SEC23IP: variants seen among roughly 807,000 people sequenced by gnomAD.
SEC23IP encodes SEC23 interacting protein.
SEC23IP carries 70 observed loss-of-function variants against 113.4 expected under a neutral mutation model. The ratio of observed to expected loss-of-function variants is 0.62; its 90% CI spans 0.51 to 0.75. The LOEUF (loss-of-function observed/expected upper bound fraction) is 0.75, where lower values mean the gene tolerates loss of function less well. Among genes scored for constraint, SEC23IP ranks in the 30% least tolerant of loss-of-function variants. SEC23IP has a pLI of 0.00. For synonymous variants in SEC23IP, 398 were observed against 421.0 expected (o/e 0.95, Z 0.67); for missense variants, 1,160 against 1,204.9 (o/e 0.96, Z 0.55).
chr10:119,892,739 G>C lies in SEC23IP; in HGVS notation c.-44G>C. The C allele has an allele frequency of 1.9e-6, 3 of 1,559,754 alleles. No individual in the cohort carries two copies. The highest frequency in any genetic ancestry group is 2.6e-6 in the Non-Finnish European group (3 of 1,151,052). ...TGATCGGTTTCCGGTCAGTGGTGTG[G>C]TACCGGGTACCCGGAGACGTGTATC... On this transcript the variant is annotated 5_prime_UTR_variant, in exon 1 of 19. Coordinates refer to ENST00000369075, the MANE Select transcript of SEC23IP (RefSeq NM_007190.4).
chr10:119,933,898 G>C (rs996230017), intron 18 of SEC23IP, 111 bp downstream of exon 18: 1 of 500,166 alleles, frequency 2.0e-6, no homozygotes, highest in African/African-American at 2.0e-5. Flanking sequence ...CTGAGTTTTT[G>C]TCGTCGTTTT....
At chr10:119,936,543 C>CAAAAA (rs35075710) in intron 18 of SEC23IP, among the ~76,000 whole-genome samples, 11 of 76,826 alleles carry the variant, frequency 1.4e-4, no homozygotes, top group African/African-American at 4.2e-4. Context: ...GATTCCGTCT[C>CAAAAA]AAAAAAAAAA....
intron 18 of SEC23IP, among the ~76,000 whole-genome samples, chr10:119,937,656 G>T (rs1299926711): frequency 6.6e-6 from 1 of 150,890 alleles, no homozygotes; most frequent in African/African-American, 2.4e-5. Context: ...AAAAAACATA[G>T]CCCAGTCTTT....
At chr10:119,898,282 G>A in intron 1 of SEC23IP, 145 bp from the exon 2 acceptor site, 1 of 1,301,494 alleles carries the variant, frequency 7.7e-7, no homozygotes, top group Non-Finnish European at 9.8e-7. Context: ...AAGAAAAAAA[G>A]AAAAAACTGT....
Position 119,919,419 on chromosome 10 carries a change from GTTTTTCATACT to G in SEC23IP, c.1873-19_1873-9del. The G allele has an allele frequency of 6.3e-7, 1 of 1,577,510 alleles. No individual in the cohort carries two copies. The highest frequency in any genetic ancestry group is 8.6e-7 in the Non-Finnish European group (1 of 1,168,768). ...ATGGGAGTTTTTCTGAGCTTGTAAT[GTTTTTCATACT>G]TTTTTTTTTAAAGATGCCTGAAGAG... On this transcript the variant is annotated splice_polypyrimidine_tract_variant and intron_variant, in intron 10 of 18. Transcript: ENST00000369075.
intron 13 of SEC23IP, among the ~76,000 whole-genome samples, chr10:119,927,682 G>C (rs1855467917): frequency 1.3e-5 from 2 of 152,132 alleles, no homozygotes; most frequent in African/African-American, 4.8e-5. Context: ...TCCAAATAAA[G>C]TCACATTATG....
At chr10:119,924,541 T>G (rs1277577716) in intron 12 of SEC23IP, among the ~76,000 whole-genome samples, 8 of 151,822 alleles carry the variant, frequency 5.3e-5, no homozygotes, top group Non-Finnish European at 8.8e-5. Context: ...TGCCTCAGTC[T>G]CCTGAGTAGC....
At chr10:119,920,636 C>G (rs184763344) in intron 11 of SEC23IP, among the ~76,000 whole-genome samples, 2 of 152,162 alleles carry the variant, frequency 1.3e-5, no homozygotes, top group Admixed American at 6.5e-5. Context: ...TCATCGTATG[C>G]TTGACTATAG....
intron 1 of SEC23IP, 92 bp downstream of exon 1, chr10:119,893,037 G>A (rs992085526): frequency 2.1e-6 from 3 of 1,397,026 alleles, no homozygotes; most frequent in African/African-American, 1.4e-5. Context: ...CTTCTGCCTC[G>A]AGCTACCCTC....
At chr10:119,905,467 C>T (rs2475302) in intron 4 of SEC23IP, among the ~76,000 whole-genome samples, 107,776 of 151,568 alleles carry the variant, frequency 0.71, 38,564 homozygotes, top group East Asian at 0.82. Flanking sequence ...ATACTGACCA[C>T]TGCAGCAACA....
chr10:119,940,204 TTGA>T (rs1204877007), intron 18 of SEC23IP, among the ~76,000 whole-genome samples: 1 of 150,880 alleles, frequency 6.6e-6, no homozygotes, highest in African/African-American at 2.4e-5. Context: ...TTTTTTTTTT[TTGA>T]GATGGAGTCT....
intron 2 of SEC23IP, among the ~76,000 whole-genome samples, chr10:119,902,571 T>G (rs1004043421): frequency 2.6e-5 from 4 of 151,258 alleles, no homozygotes; most frequent in African/African-American, 9.7e-5. Flanking sequence ...AATCATCACA[T>G]CAGGATAAAT....
intron 2 of SEC23IP, among the ~76,000 whole-genome samples, chr10:119,900,036 TC>T (rs1453220337): frequency 5.4e-5 from 8 of 149,130 alleles, no homozygotes; most frequent in African/African-American, 2.0e-4. Flanking sequence ...CCCTCTTCCC[TC>T]CCTTCCCCTC....
At chr10:119,924,839 G>A (rs1482567813) in intron 12 of SEC23IP, among the ~76,000 whole-genome samples, 2 of 151,938 alleles carry the variant, frequency 1.3e-5, no homozygotes, top group African/African-American at 2.4e-5. Flanking sequence ...GTGCAGTGGC[G>A]CACGCATGGC....
chr10:119,921,002 C>G lies in SEC23IP; in HGVS notation c.2121+18C>G. 3 of 1,570,594 alleles carry G rather than the reference C, an allele frequency of 1.9e-6. No homozygotes were observed. Among genetic ancestry groups the G allele is most frequent in the Non-Finnish European group, 2.6e-6 (3 of 1,141,442 alleles). On this transcript the variant is annotated intron_variant, in intron 12 of 18. Coordinates refer to ENST00000369075, the MANE Select transcript of SEC23IP (RefSeq NM_007190.4). Reference sequence around the variant, plus strand: ...CCAAACTGGTAAAGTTCACCTCTGACTCAAGAAAAACTAAAACTCATGGTG... The same window carrying G: ...CCAAACTGGTAAAGTTCACCTCTGAGTCAAGAAAAACTAAAACTCATGGTG...
At chr10:119,906,035 G>A (rs1306747689) in intron 4 of SEC23IP, among the ~76,000 whole-genome samples, 1 of 152,038 alleles carries the variant, frequency 6.6e-6, no homozygotes, top group African/African-American at 2.4e-5. Context: ...CAGCACTCTG[G>A]GAGGCCAAGG....
intron 5 of SEC23IP, among the ~76,000 whole-genome samples, chr10:119,911,324 C>A (rs1225375818): frequency 1.3e-5 from 2 of 151,016 alleles, no homozygotes; most frequent in African/African-American, 4.9e-5. Flanking sequence ...GGGTCTCTAA[C>A]TTTGTTGCCC....
rs1324011586 is a variant in SEC23IP, at chr10:119,933,095, A to G, written c.2849A>G (p.Tyr950Cys). ...GMLNGGRRIDYVLQEKPIESF... is the reference protein window; with the variant it reads ...GMLNGGRRIDCVLQEKPIESF... ...TTAAATGGAGGCCGCCGAATTGACT[A>G]CGTTCTCCAAGAAAAACCAATAGAG... The change falls in exon 17 of 19, where the codon TAC (tyrosine) becomes TGC (cysteine). Residue 950 changes from tyrosine to cysteine, a missense_variant. By Grantham distance (194) the Tyr-to-Cys change is radical (BLOSUM62 -2). Coordinates refer to ENST00000369075, the MANE Select transcript of SEC23IP (RefSeq NM_007190.4). 7 of 1,613,808 alleles carry G rather than the reference A, an allele frequency of 4.3e-6. No individual in the cohort carries two copies. Among genetic ancestry groups the G allele is most frequent in the South Asian group, 1.1e-5 (1 of 91,066 alleles).
rs1202268467 is a variant in SEC23IP at position 119,892,813 on chromosome 10, G to C, written c.31G>C (p.Gly11Arg). Residue 11 changes from glycine (G) to arginine (R), a missense_variant, in exon 1 of 19, where the codon GGC (glycine) becomes CGC (arginine). Transcript: ENST00000369075. MAERKPNGGS[G>R]GASTSSSGTN... ...CGAGAGAAAACCTAACGGTGGCAGC[G>C]GCGGCGCCTCCACTTCCTCATCGGG... is the stretch of plus-strand genomic sequence containing the variant. 1.2e-6 allele frequency: 2 copies of C among 1,612,436 alleles called. No homozygotes were observed. Among genetic ancestry groups the C allele is most frequent in the Non-Finnish European group, 1.7e-6 (2 of 1,179,492 alleles).
Sources: allele counts gnomAD v4.1 joint callset (sites outside exome capture counted in the v4.1 genomes callset), GRCh38; gene constraint gnomAD v4.1.1; transcripts MANE v1.5; gene names NCBI Gene and HGNC (gene_info 2026-07-23, HGNC 2026-07-21).